Variants in LRRK1 observed in about 807,000 individuals in gnomAD.
LRRK1 encodes leucine-rich repeat serine/threonine-protein kinase 1.
Under a neutral mutation model 209.1 loss-of-function variants are expected in LRRK1, and 113 were observed. The ratio of observed to expected loss-of-function variants is 0.54; its 90% CI spans 0.46 to 0.63. The LOEUF (loss-of-function observed/expected upper bound fraction) is 0.63, where lower values mean the gene tolerates loss of function less well. Ranked by LOEUF, LRRK1 falls within the 30% of genes least tolerant of loss-of-function variation. The pLI is 0.00. For missense variants in LRRK1, 2,284 were observed against 2,632.2 expected (o/e 0.87, Z 2.89); for synonymous variants, 1,144 against 1,099.7 (o/e 1.04, Z -0.80).
chr15:101,023,249 G>A lies in LRRK1; in HGVS notation c.2067+652G>A, dbSNP rs553202561. On this transcript the variant is annotated intron_variant, in intron 15 of 33. Transcript: ENST00000388948. Reference sequence around the variant, plus strand: ...ACTTAAAATGAATCCATCACTGCTTGAACCCGGGAGGTGGAGGTTGCAGTG... The same window carrying A: ...ACTTAAAATGAATCCATCACTGCTTAAACCCGGGAGGTGGAGGTTGCAGTG... Among the ~76,000 whole-genome samples the A allele has an allele frequency of 1.9e-3, 292 of 152,182 alleles. 1 individual carries two copies. The highest frequency in any genetic ancestry group is 6.6e-3 in the African/African-American group (272 of 41,506).
chr15:100,974,010 G>A, intron 3 of LRRK1, 43 bp downstream of exon 3: 1 of 1,238,236 alleles, frequency 8.1e-7, no homozygotes, highest in South Asian at 4.0e-5. Context: ...GCAGCCCCGG[G>A]CTGGACGAAG....
intron 2 of LRRK1, among the ~76,000 whole-genome samples, chr15:100,945,727 A>T (rs2042529271): frequency 6.6e-6 from 1 of 151,994 alleles, no homozygotes; most frequent in African/African-American, 2.4e-5. Context: ...TCCTAATCTC[A>T]GGTGATCCAC....
intron 10 of LRRK1, among the ~76,000 whole-genome samples, chr15:101,012,357 G>T (rs990010347): frequency 1.3e-5 from 2 of 152,200 alleles, no homozygotes; most frequent in African/African-American, 4.8e-5. Context: ...GGTGGTGGTG[G>T]GGTTATGGTT....
At chr15:100,922,422 G>A (rs1008171336) in intron 1 of LRRK1, among the ~76,000 whole-genome samples, 1 of 151,410 alleles carries the variant, frequency 6.6e-6, no homozygotes, top group Non-Finnish European at 1.5e-5. Flanking sequence ...GTGAGGGTTA[G>A]CCTGAAATAA....
intron 20 of LRRK1, among the ~76,000 whole-genome samples, chr15:101,044,489 C>T (rs1435928584): frequency 3.9e-5 from 6 of 152,224 alleles, no homozygotes; most frequent in African/African-American, 7.2e-5. Context: ...TTTCCCAGCT[C>T]GTAATTGCTC....
At chr15:101,066,797 C>A in intron 33 of LRRK1, 56 bp downstream of exon 33, 1 of 1,383,482 alleles carries the variant, frequency 7.2e-7, no homozygotes, top group Non-Finnish European at 1.0e-6. Flanking sequence ...GCACAGAAGG[C>A]CCTGCAGCCA....
At chr15:100,984,480 A>ACCCCCCCCCCCCCCCCCCCCCC (rs2031767471) in intron 4 of LRRK1, among the ~76,000 whole-genome samples, 1 of 18,840 alleles carries the variant, frequency 5.3e-5, no homozygotes, top group Non-Finnish European at 1.1e-4. Context: ...CCCTGGCCCC[A>ACCCCCCCCCCCCCCCCCCCCCC]TCCCTCCCTC....
intron 13 of LRRK1, 143 bp from the exon 14 acceptor site, chr15:101,021,702 A>G: frequency 1.7e-6 from 1 of 591,998 alleles, no homozygotes; most frequent in Non-Finnish European, 3.0e-6. Context: ...CTTTGGAATT[A>G]GTGTTGAAAT....
At chr15:100,950,457 C>G (rs2042622936) in intron 2 of LRRK1, among the ~76,000 whole-genome samples, 1 of 152,136 alleles carries the variant, frequency 6.6e-6, no homozygotes, top group East Asian at 1.9e-4. Flanking sequence ...TCTTTAAAAT[C>G]CTAGCTGAAA....
At chr15:100,989,178 C>A in intron 5 of LRRK1, 72 bp from the exon 6 acceptor site, 1 of 1,305,114 alleles carries the variant, frequency 7.7e-7, no homozygotes. Context: ...TTCCACATAT[C>A]AGAGTCTGCC....
chr15:100,969,655 C>T (rs778719814), intron 2 of LRRK1, among the ~76,000 whole-genome samples: 3 of 152,176 alleles, frequency 2.0e-5, no homozygotes, highest in Non-Finnish European at 2.9e-5. Flanking sequence ...CCCCACCCTC[C>T]CTCACCACAG....
chr15:100,930,915 G>A (rs552831368), intron 2 of LRRK1, among the ~76,000 whole-genome samples: 22 of 152,300 alleles, frequency 1.4e-4, no homozygotes, highest in African/African-American at 5.1e-4. Flanking sequence ...TGAATTGCAC[G>A]CACATTTTTG....
chr15:101,015,241 C>T (rs561199164), intron 11 of LRRK1, 85 bp from the exon 12 acceptor site: 56 of 1,062,234 alleles, frequency 5.3e-5, no homozygotes, highest in South Asian at 4.8e-4. Flanking sequence ...TCCCTATCTC[C>T]GTGGCTTGGC....
intron 13 of LRRK1, among the ~76,000 whole-genome samples, 184 bp downstream of exon 13, chr15:101,021,366 G>A (rs1474899678): frequency 1.3e-5 from 2 of 152,160 alleles, no homozygotes; most frequent in South Asian, 2.1e-4. Context: ...AGACGGAGTA[G>A]CAATGCAATG....
chr15:101,066,087 C>T lies in LRRK1; in HGVS notation c.5650C>T (p.Pro1884Ser), dbSNP rs1214470436. ...DCEDSDMLHT[P>S]GAASDRSEHD... ...CGAGGACTCAGACATGCTACATACG[C>T]CCGGTGCTGCCTCCGACAGGTCTGA... Residue 1884 changes from proline (P) to serine (S), a missense_variant, in exon 32 of 34, where the codon CCC (proline) becomes TCC (serine). Pro to Ser is a moderately conservative substitution (Grantham distance 74, BLOSUM62 -1). Around this residue, in one of 6 missense-constraint regions of LRRK1, gnomAD observed 643 missense variants for 695.9 expected, o/e 0.92. Transcript: ENST00000388948. 1 of 1,614,072 alleles carries T rather than the reference C, an allele frequency of 6.2e-7. No homozygotes were observed. Among genetic ancestry groups the T allele is most frequent in the African/African-American group, 1.3e-5 (1 of 74,944 alleles).
At chr15:100,935,302 A>C (rs527645012) in intron 2 of LRRK1, among the ~76,000 whole-genome samples, 29 of 152,300 alleles carry the variant, frequency 1.9e-4, no homozygotes, top group African/African-American at 7.0e-4. Context: ...GGGAGGTGGC[A>C]TTTACACAGA....
chr15:100,951,602 G>T (rs116152842), intron 2 of LRRK1, among the ~76,000 whole-genome samples: 3 of 152,024 alleles, frequency 2.0e-5, no homozygotes, highest in Non-Finnish European at 2.9e-5. Context: ...GGAATATTAC[G>T]CAGCAATAGC....
At chr15:100,997,994 C>A (rs1255201479) in intron 6 of LRRK1, among the ~76,000 whole-genome samples, 2 of 152,050 alleles carry the variant, frequency 1.3e-5, no homozygotes, top group Non-Finnish European at 2.9e-5. Flanking sequence ...GCCTGGCCAA[C>A]ATGGTGAAAC....
At chr15:100,993,689 C>T (rs1337539420) in intron 6 of LRRK1, among the ~76,000 whole-genome samples, 2 of 152,156 alleles carry the variant, frequency 1.3e-5, no homozygotes, top group Non-Finnish European at 2.9e-5. Context: ...TTCTTGTAAA[C>T]AGCATTTGGT....
Sources: allele counts gnomAD v4.1 joint callset (sites outside exome capture counted in the v4.1 genomes callset), GRCh38; gene constraint gnomAD v4.1.1; regional missense constraint gnomAD v4.1.1; transcripts MANE v1.5; gene names NCBI Gene and HGNC (gene_info 2026-07-23, HGNC 2026-07-21).